The following SPEF2 variants were observed in gnomAD, a reference collection of about 807,000 sequenced individuals.
The protein encoded by SPEF2 is sperm flagella and cilia-associated protein 2.
Under a neutral mutation model 224.6 loss-of-function variants are expected in SPEF2, and 187 were observed. That is an observed-to-expected ratio of 0.83 (90% CI 0.74 to 0.94). The LOEUF is 0.94. Among genes scored for constraint, SPEF2 ranks in the 40% least tolerant of loss-of-function variants. The probability of loss-of-function intolerance (pLI) is 0.00; values close to 1 mark genes in which losing one functional copy is unlikely to be tolerated. For missense variants in SPEF2, 2,170 were observed against 2,135.6 expected (o/e 1.02, Z -0.32); for synonymous variants, 715 against 707.3 (o/e 1.01, Z -0.17).
intron 16 of SPEF2, chr5:35,702,091 G>C (rs1408938107): frequency 4.7e-6 from 2 of 428,756 alleles, no homozygotes; most frequent in East Asian, 1.4e-4. Flanking sequence ...GGAGAGTAGT[G>C]TCTCATAAGC....
intron 1 of SPEF2, among the ~76,000 whole-genome samples, chr5:35,626,547 C>CA (rs1354220791): frequency 1.3e-5 from 2 of 151,862 alleles, no homozygotes; most frequent in Admixed American, 6.6e-5. Flanking sequence ...GATCCATAGA[C>CA]AAAAAAAGCA....
chr5:35,628,620 C>T, intron 2 of SPEF2, 58 bp downstream of exon 2: 1 of 1,276,942 alleles, frequency 7.8e-7, no homozygotes, highest in Non-Finnish European at 1.1e-6. Context: ...GAGACAAGGT[C>T]TTGTTCTGTT....
intron 30 of SPEF2, among the ~76,000 whole-genome samples, chr5:35,783,591 C>T (rs982533258): frequency 6.6e-6 from 1 of 152,056 alleles, no homozygotes; most frequent in Non-Finnish European, 1.5e-5. Context: ...AAAATGTTAG[C>T]TTGGTTTCTT....
At chr5:35,625,896 C>T (rs1292538032) in intron 1 of SPEF2, among the ~76,000 whole-genome samples, 1 of 152,162 alleles carries the variant, frequency 6.6e-6, no homozygotes, top group African/African-American at 2.4e-5. Context: ...CTTTGGATTT[C>T]AGTTGCTTTA....
chr5:35,774,803 C>T (rs1024887608), intron 28 of SPEF2, among the ~76,000 whole-genome samples: 3 of 152,150 alleles, frequency 2.0e-5, no homozygotes, highest in African/African-American at 7.2e-5. Flanking sequence ...TTTCTCTCCC[C>T]TGTCCTTCCC....
intron 8 of SPEF2, 24 bp downstream of exon 8, chr5:35,659,231 T>C: frequency 1.3e-6 from 2 of 1,558,564 alleles, no homozygotes; most frequent in Non-Finnish European, 1.7e-6. Flanking sequence ...TCCTTAGAAA[T>C]CTTTCTAAGG....
At chr5:35,657,907 C>A (rs537641646) in intron 7 of SPEF2, among the ~76,000 whole-genome samples, 2 of 152,324 alleles carry the variant, frequency 1.3e-5, no homozygotes, top group Admixed American at 1.3e-4. Flanking sequence ...AACTAGAAGA[C>A]CCTTGAATAC....
At chr5:35,751,677 A>G (rs1749679253) in intron 23 of SPEF2, among the ~76,000 whole-genome samples, 1 of 152,180 alleles carries the variant, frequency 6.6e-6, no homozygotes, top group South Asian at 2.1e-4. Context: ...CCTCAAGGTA[A>G]CAAACCAAAA....
Position 35,628,487 on chromosome 5 carries a change from C to T in SPEF2, c.86C>T (p.Ser29Phe). The change falls in exon 2 of 37, where the codon TCC becomes TTC. Residue 29 changes from serine to phenylalanine, a missense_variant. By Grantham distance (155) the Ser-to-Phe change is radical. Transcript: ENST00000356031. ...CCCAAGTCATTTGCAAAGGCATTTT[C>T]CAGTGGCTATCTACTTGGAGAAGTT... is the stretch of plus-strand genomic sequence containing the variant. ...VSPKSFAKAF[S>F]SGYLLGEVLH... The T allele has an allele frequency of 1.9e-6, 3 of 1,613,820 alleles. No individual in the cohort carries two copies. Among genetic ancestry groups the T allele is most frequent in the Non-Finnish European group, 2.5e-6 (3 of 1,179,854 alleles).
intron 19 of SPEF2, chr5:35,709,855 G>T: frequency 1.0e-6 from 1 of 985,316 alleles, no homozygotes; most frequent in Non-Finnish European, 1.2e-6. Context: ...ATGAGGCTCT[G>T]GTTTCTAGTT....
intron 1 of SPEF2, among the ~76,000 whole-genome samples, chr5:35,619,711 CA>C (rs1475513003): frequency 6.7e-6 from 1 of 148,312 alleles, no homozygotes; most frequent in Non-Finnish European, 1.5e-5. Flanking sequence ...AACAAACAAA[CA>C]AAAAACACCC....
chr5:35,804,404 C>A (rs1305762993), intron 34 of SPEF2, among the ~76,000 whole-genome samples: 1 of 152,206 alleles, frequency 6.6e-6, no homozygotes, highest in Non-Finnish European at 1.5e-5. Flanking sequence ...AAAGTACTGG[C>A]TTTTCTCCAA....
At chr5:35,684,029 T>A (rs1388861752) in intron 10 of SPEF2, 1 of 152,174 alleles carries the variant, frequency 6.6e-6, no homozygotes, top group Non-Finnish European at 1.5e-5. Flanking sequence ...TAGTCAGATG[T>A]CTATTTACAA....
chr5:35,629,295 A>G (rs537031761), intron 2 of SPEF2, among the ~76,000 whole-genome samples: 1 of 150,982 alleles, frequency 6.6e-6, no homozygotes, highest in East Asian at 2.0e-4. Flanking sequence ...CTGGGACTAC[A>G]GGCGCCTGCC....
At chr5:35,716,225 G>A (rs1340303579) in intron 20 of SPEF2, among the ~76,000 whole-genome samples, 1 of 151,968 alleles carries the variant, frequency 6.6e-6, no homozygotes, top group South Asian at 2.1e-4. Context: ...TGTTGGGTTT[G>A]TATAACTAGA....
rs545263411 is a variant in SPEF2, at chr5:35,788,343, T to C, written c.4448-3997T>C. On this transcript the variant is annotated intron_variant, in intron 30 of 36. Transcript: ENST00000356031. ...TTAGATGATATGAAAGGTGTTGATA[T>C]TGGCCCAGTATTCAGAACTAAAAAA... 4.3e-6 allele frequency: 3 copies of C among 703,012 alleles called. No individual in the cohort carries two copies. The African/African-American group carries it at 5.2e-5, about 12-fold the overall frequency. The allele number at this position is 703,012 out of a possible 1,614,324, so 43.5% of individuals were successfully genotyped here.
At chr5:35,642,880 C>T (rs1189352288) in intron 3 of SPEF2, among the ~76,000 whole-genome samples, 1 of 152,128 alleles carries the variant, frequency 6.6e-6, no homozygotes, top group Non-Finnish European at 1.5e-5. Context: ...ACTCAGCGCT[C>T]CTTGAGAGCT....
At chr5:35,808,529 T>C (rs987364371) in intron 36 of SPEF2, among the ~76,000 whole-genome samples, 12 of 152,026 alleles carry the variant, frequency 7.9e-5, no homozygotes, top group African/African-American at 2.4e-4. Context: ...GATAGTTTGC[T>C]GAGAATGATG....
In SPEF2 at chr5:35,705,757, G is replaced by A; in HGVS notation, c.2614G>A (p.Glu872Lys). Residue 872 changes from glutamate to lysine, a missense_variant, in exon 18 of 37, where the codon GAA (glutamate) becomes AAA (lysine). Glu to Lys is a moderately conservative substitution (Grantham distance 56). Coordinates refer to ENST00000356031, the MANE Select transcript of SPEF2 (RefSeq NM_024867.4). ...NAEIDKESLC[E>K]KVKEILTTEI... The stretch of plus-strand genomic sequence containing the variant: ...TGAAATAGATAAGGAATCTTTATGT[G>A]AAAAAGTAAAAGAAATTCTTACGAC... The A allele has an allele frequency of 1.9e-6, 3 of 1,541,530 alleles. No homozygotes were observed. The highest frequency in any genetic ancestry group is 2.6e-6 in the Non-Finnish European group (3 of 1,137,034).
Sources: allele counts gnomAD v4.1 joint callset (sites outside exome capture counted in the v4.1 genomes callset), GRCh38; gene constraint gnomAD v4.1.1; transcripts MANE v1.5; gene names NCBI Gene and HGNC (gene_info 2026-07-23, HGNC 2026-07-21).